The following SH3YL1 variants were observed in gnomAD, a reference collection of about 807,000 sequenced individuals.
SH3YL1 encodes the protein SH3 domain-containing YSC84-like protein 1.
Under a neutral mutation model 45.8 loss-of-function variants are expected in SH3YL1, and 41 were observed. That is an observed-to-expected ratio of 0.89 (90% CI 0.70 to 1.16). The LOEUF is 1.16. Ranked by LOEUF, SH3YL1 falls within the 50% of genes most tolerant of loss-of-function variation. The pLI is 0.00. For missense variants in SH3YL1, 389 were observed against 409.6 expected (o/e 0.95, Z 0.43); for synonymous variants, 152 against 151.4 (o/e 1.00, Z -0.03).
intron 4 of SH3YL1, 131 bp from the exon 5 acceptor site, chr2:234,403 A>G (rs1349637089): frequency 1.6e-6 from 1 of 620,878 alleles, no homozygotes; most frequent in South Asian, 2.2e-5. Context: ...AGAACGTGAG[A>G]CAAGAGCCAT....
At chr2:236,919 C>G (rs1668329636) in intron 4 of SH3YL1, among the ~76,000 whole-genome samples, 1 of 152,142 alleles carries the variant, frequency 6.6e-6, no homozygotes, top group African/African-American at 2.4e-5. Flanking sequence ...CAAACTAAAT[C>G]TACCAGAGAG....
chr2:219,434 C>G (rs1411236631), intron 9 of SH3YL1, among the ~76,000 whole-genome samples: 1 of 152,022 alleles, frequency 6.6e-6, no homozygotes, highest in Non-Finnish European at 1.5e-5. Context: ...ACAGACAGAG[C>G]CTGAGGGGAG....
intron 2 of SH3YL1, among the ~76,000 whole-genome samples, chr2:252,155 A>C (rs1413407027): frequency 6.6e-6 from 1 of 152,234 alleles, no homozygotes; most frequent in African/African-American, 2.4e-5. Context: ...CTGCACTAAA[A>C]GTCTGATTCA....
chr2:253,343 G>C (rs1669158968), intron 1 of SH3YL1, among the ~76,000 whole-genome samples: 1 of 152,148 alleles, frequency 6.6e-6, no homozygotes, highest in Non-Finnish European at 1.5e-5. Flanking sequence ...ACAAGATACA[G>C]GTAACGAAGA....
intron 3 of SH3YL1, among the ~76,000 whole-genome samples, chr2:249,371 A>C (rs778098878): frequency 5.7e-4 from 87 of 152,250 alleles, no homozygotes; most frequent in Non-Finnish European, 7.5e-4. Flanking sequence ...TCCATAAAAC[A>C]AAAGAAAGCA....
At chr2:256,542 A>C (rs1669340467) in intron 1 of SH3YL1, 1 of 152,074 alleles carries the variant, frequency 6.6e-6, no homozygotes, top group East Asian at 1.9e-4. Context: ...AAATACAAAA[A>C]ATTAGCCAGA....
At chr2:221,049 C>T (rs1203034145) in intron 9 of SH3YL1, among the ~76,000 whole-genome samples, 2 of 115,732 alleles carry the variant, frequency 1.7e-5, no homozygotes, top group Non-Finnish European at 4.0e-5. Context: ...CACACATGTG[C>T]TCCTCTTACA....
chr2:262,289 G>A (rs951661490), intron 1 of SH3YL1: 5 of 184,996 alleles, frequency 2.7e-5, no homozygotes, highest in African/African-American at 1.2e-4. Flanking sequence ...TCTCTGGTCA[G>A]ATCATTAACT....
At chr2:244,557 AAAAGAAAAGAAAAAGAAAGAAAG>A (rs1179863419) in intron 4 of SH3YL1, 1 of 92,622 alleles carries the variant, frequency 1.1e-5, no homozygotes. Flanking sequence ...GAAAGAAAAG[AAAAGAAAAGAAAAAGAAAGAAAG>A]AAAGGCAGAT....
intron 4 of SH3YL1, chr2:242,867 G>A: frequency 4.7e-6 from 7 of 1,498,908 alleles, no homozygotes; most frequent in Admixed American, 2.4e-5. Flanking sequence ...AGCTGGAGTG[G>A]CACTCTTTAT....
chr2:245,624 G>A (rs1248955356), intron 4 of SH3YL1, among the ~76,000 whole-genome samples: 1 of 152,066 alleles, frequency 6.6e-6, no homozygotes, highest in Admixed American at 6.5e-5. Context: ...AAGCACCCAG[G>A]TCAGAATTGG....
At chr2:246,814 A>G (rs1370997216) in intron 4 of SH3YL1, among the ~76,000 whole-genome samples, 1 of 152,222 alleles carries the variant, frequency 6.6e-6, no homozygotes, top group Non-Finnish European at 1.5e-5. Context: ...AAAGATGAAA[A>G]AAGAGTTAGA....
intron 1 of SH3YL1, chr2:255,782 T>A (rs1212823763): frequency 6.6e-6 from 1 of 152,276 alleles, no homozygotes; most frequent in East Asian, 1.9e-4. Flanking sequence ...TAGAGGAAGG[T>A]ATTTCCACAG....
Position 253,023 on chromosome 2 carries a change from G to T in SH3YL1, c.94C>A (p.Pro32Thr). ...TACCTACCAGGAATGATCTTATCAG[G>T]TCCATTTCTGGAAGTTATTTCTGTG... Reference protein sequence around the residue: ...EFTEITSRNGPDKIIPAHVIA... With the variant: ...EFTEITSRNGTDKIIPAHVIA... The change falls in exon 2 of 10, where the codon CCT becomes ACT. Residue 32 changes from proline to threonine, a missense_variant. Pro to Thr is a conservative substitution (Grantham distance 38, BLOSUM62 -1). Transcript: ENST00000356150. 6.5e-7 allele frequency: 1 copy of T among 1,543,150 alleles called. No homozygotes were observed. Among genetic ancestry groups the T allele is most frequent in the Non-Finnish European group, 8.8e-7 (1 of 1,139,880 alleles).
At chr2:259,117 T>G (rs1230212305) in intron 1 of SH3YL1, among the ~76,000 whole-genome samples, 1 of 152,184 alleles carries the variant, frequency 6.6e-6, no homozygotes, top group Non-Finnish European at 1.5e-5. Flanking sequence ...CTGTTCCCCT[T>G]ATCTTGTGGA....
At chr2:248,435 A>G (rs577173931) in intron 3 of SH3YL1, among the ~76,000 whole-genome samples, 1 of 152,160 alleles carries the variant, frequency 6.6e-6, no homozygotes, top group African/African-American at 2.4e-5. Context: ...TTCGTTCCCT[A>G]TGTTAGGAAC....
At position 219,011 on chromosome 2, in the gene SH3YL1, G is replaced by A. The variant is rs1558230078; in HGVS notation, c.839-10C>T. 11 of 1,594,370 alleles carry A rather than the reference G, an allele frequency of 6.9e-6. No homozygotes were observed. The highest frequency in any genetic ancestry group is 5.3e-5 in the Admixed American group (3 of 56,218). On this transcript the variant is annotated splice_polypyrimidine_tract_variant and intron_variant, in intron 9 of 9. Transcript: ENST00000356150. ...GGTTGATTCAAATTGCCTGAAACAA[G>A]AAAAAAGTATTCACGTTTATGTTCT...
intron 2 of SH3YL1, among the ~76,000 whole-genome samples, chr2:252,045 T>C (rs1669092653): frequency 1.3e-5 from 2 of 152,062 alleles, no homozygotes; most frequent in Admixed American, 6.6e-5. Flanking sequence ...GATGAACAGA[T>C]AGTGGTTTTC....
chr2:258,862 C>T (rs1056992002), intron 1 of SH3YL1, among the ~76,000 whole-genome samples: 2 of 152,204 alleles, frequency 1.3e-5, no homozygotes, highest in Admixed American at 6.5e-5. Flanking sequence ...TTTCACCCTA[C>T]ACAGCTAGCA....
Sources: allele counts gnomAD v4.1 joint callset (sites outside exome capture counted in the v4.1 genomes callset), GRCh38; gene constraint gnomAD v4.1.1; transcripts MANE v1.5; gene names NCBI Gene and HGNC (gene_info 2026-07-23, HGNC 2026-07-21).